TTC28: variants seen among roughly 807,000 people sequenced by gnomAD.
TTC28 encodes the protein tetratricopeptide repeat domain 28, also known as tetratricopeptide repeat protein 28.
Under a neutral mutation model 198.0 loss-of-function variants are expected in TTC28, and 61 were observed. That is an observed-to-expected ratio of 0.31 (90% confidence interval 0.25 to 0.38). The LOEUF (loss-of-function observed/expected upper bound fraction) is 0.38, where lower values mean the gene tolerates loss of function less well. TTC28 is among the 10% of genes least tolerant of loss of function. The pLI is 1.00. For synonymous variants in TTC28, 1,171 were observed against 1,297.8 expected (o/e 0.90, Z 2.10); for missense variants, 2,678 against 3,164.0 (o/e 0.85, Z 3.69).
chr22:28,261,366 G>T (rs1004818627), intron 5 of TTC28, among the ~76,000 whole-genome samples: 4 of 152,130 alleles, frequency 2.6e-5, no homozygotes, highest in African/African-American at 9.7e-5. Context: ...CAGCAACAGG[G>T]TGATCCCTGG....
intron 5 of TTC28, among the ~76,000 whole-genome samples, chr22:28,225,564 T>C (rs1928268585): frequency 6.6e-6 from 1 of 152,072 alleles, no homozygotes; most frequent in African/African-American, 2.4e-5. Flanking sequence ...GAAATAATAA[T>C]GACCTAAAGA....
At chr22:28,066,307 GTGTGT>G (rs1940749657) in intron 12 of TTC28, among the ~76,000 whole-genome samples, 1 of 149,014 alleles carries the variant, frequency 6.7e-6, no homozygotes, top group African/African-American at 2.5e-5. Context: ...TGTGTGTGGT[GTGTGT>G]GTGTGTGTGT....
chr22:28,367,291 G>C (rs1206474863), intron 2 of TTC28, among the ~76,000 whole-genome samples: 1 of 151,962 alleles, frequency 6.6e-6, no homozygotes, highest in Non-Finnish European at 1.5e-5. Context: ...AGGAATTTTA[G>C]AAACTATACA....
intron 2 of TTC28, among the ~76,000 whole-genome samples, chr22:28,321,763 T>C (rs1287282168): frequency 1.3e-5 from 2 of 152,216 alleles, no homozygotes; most frequent in African/African-American, 2.4e-5. Flanking sequence ...GGATAATTTA[T>C]AGTGGCAGGA....
chr22:28,465,630 A>C (rs1439984419), intron 2 of TTC28, among the ~76,000 whole-genome samples: 1 of 152,082 alleles, frequency 6.6e-6, no homozygotes, highest in Non-Finnish European at 1.5e-5. Flanking sequence ...GTCTCAAAAA[A>C]AAAAAATTAT....
At chr22:28,653,758 G>A (rs1403808221) in intron 1 of TTC28, among the ~76,000 whole-genome samples, 1 of 152,136 alleles carries the variant, frequency 6.6e-6, no homozygotes, top group Non-Finnish European at 1.5e-5. Context: ...TAATAAGCCA[G>A]CTACTCCTTT....
At chr22:28,316,469 T>C (rs1409954953) in intron 2 of TTC28, among the ~76,000 whole-genome samples, 3 of 152,162 alleles carry the variant, frequency 2.0e-5, no homozygotes, top group African/African-American at 7.2e-5. Context: ...CAGATGTCTA[T>C]ATGTACAAAA....
At chr22:27,990,689 A>G in intron 20 of TTC28, 100 bp downstream of exon 20, 1 of 1,131,180 alleles carries the variant, frequency 8.8e-7, no homozygotes. Flanking sequence ...TCCGTTTGAC[A>G]GCACGTGCAC....
At chr22:28,400,693 G>C (rs138058718) in intron 2 of TTC28, among the ~76,000 whole-genome samples, 21 of 152,256 alleles carry the variant, frequency 1.4e-4, no homozygotes, top group Admixed American at 1.2e-3. Context: ...CAAGTTAGAG[G>C]CCATATTGTT....
chr22:28,200,404 C>A (rs1925821002), intron 5 of TTC28, among the ~76,000 whole-genome samples: 1 of 152,094 alleles, frequency 6.6e-6, no homozygotes, highest in African/African-American at 2.4e-5. Flanking sequence ...GTATTAATTA[C>A]AATTCAAACA....
At chr22:28,513,766 A>T (rs548163030) in intron 2 of TTC28, among the ~76,000 whole-genome samples, 1 of 152,176 alleles carries the variant, frequency 6.6e-6, no homozygotes, top group Admixed American at 6.6e-5. Flanking sequence ...AAATATACAT[A>T]TATCTATACA....
chr22:28,609,134 C>T (rs1282690700), intron 2 of TTC28, among the ~76,000 whole-genome samples: 1 of 152,134 alleles, frequency 6.6e-6, no homozygotes, highest in East Asian at 1.9e-4. Context: ...CCATTAAAAA[C>T]ATTGTCAATG....
chr22:28,208,249 G>A (rs938001542), intron 5 of TTC28, among the ~76,000 whole-genome samples: 1 of 152,128 alleles, frequency 6.6e-6, no homozygotes, highest in Non-Finnish European at 1.5e-5. Flanking sequence ...TTTAGTATTA[G>A]TCAAGCCTAA....
chr22:28,454,455 T>C (rs2047828539), intron 2 of TTC28, among the ~76,000 whole-genome samples: 2 of 152,198 alleles, frequency 1.3e-5, no homozygotes, highest in Non-Finnish European at 2.9e-5. Flanking sequence ...TGCCTGTAAA[T>C]ACCTTCATTC....
At chr22:28,268,236 C>T (rs1387278687) in intron 5 of TTC28, among the ~76,000 whole-genome samples, 2 of 152,120 alleles carry the variant, frequency 1.3e-5, no homozygotes, top group African/African-American at 2.4e-5. Context: ...TACTGAAATC[C>T]TCTAGCTCAT....
intron 5 of TTC28, among the ~76,000 whole-genome samples, chr22:28,183,776 A>C (rs1414841658): frequency 6.6e-6 from 1 of 152,194 alleles, no homozygotes; most frequent in Non-Finnish European, 1.5e-5. Flanking sequence ...ATCTATATGC[A>C]GGATCTATTT....
At chr22:28,196,913 A>T (rs1452547211) in intron 5 of TTC28, among the ~76,000 whole-genome samples, 1 of 152,162 alleles carries the variant, frequency 6.6e-6, no homozygotes, top group Non-Finnish European at 1.5e-5. Context: ...CAACCATTCC[A>T]TTACTTGGTA....
intron 14 of TTC28, among the ~76,000 whole-genome samples, chr22:28,003,853 C>A (rs1415157242): frequency 6.6e-6 from 1 of 152,242 alleles, no homozygotes; most frequent in Non-Finnish European, 1.5e-5. Flanking sequence ...GGGTGGGGGG[C>A]ATCTCCTGTG....
rs541378544 is a variant in TTC28, at chr22:28,337,753, T to C, written c.382-31110A>G. Among the ~76,000 whole-genome samples the C allele has an allele frequency of 2.0e-5, 3 of 152,304 alleles. No homozygotes were observed. The South Asian group carries it at 6.2e-4, about 32-fold the overall frequency. Reference sequence around the variant, plus strand: ...GTGTGTCTCTGCACGTGAGATGGGTTTCCTGAATACAGCACACTGATGGGT... The same window carrying C: ...GTGTGTCTCTGCACGTGAGATGGGTCTCCTGAATACAGCACACTGATGGGT... On this transcript the variant is annotated intron_variant, in intron 2 of 22. Transcript: ENST00000397906.
Sources: allele counts gnomAD v4.1 joint callset (sites outside exome capture counted in the v4.1 genomes callset), GRCh38; gene constraint gnomAD v4.1.1; transcripts MANE v1.5; gene names NCBI Gene and HGNC (gene_info 2026-07-23, HGNC 2026-07-21).